TRPM3: variants seen among roughly 807,000 people sequenced by gnomAD.
TRPM3 encodes long transient receptor potential channel 3.
In TRPM3, 77 loss-of-function variants were observed where a neutral mutation model predicts 181.2. The ratio of observed to expected loss-of-function variants is 0.42; its 90% confidence interval spans 0.35 to 0.51. The LOEUF (loss-of-function observed/expected upper bound fraction) is 0.51, where lower values mean the gene tolerates loss of function less well. Ranked by LOEUF, TRPM3 falls within the 20% of genes least tolerant of loss-of-function variation. The pLI, the probability that TRPM3 is intolerant of heterozygous loss-of-function variation, is 0.01. For synonymous variants in TRPM3, 745 were observed against 796.4 expected (o/e 0.94, Z 1.09); for missense variants, 1,759 against 2,196.7 (o/e 0.80, Z 3.98).
At chr9:70,921,288 G>A (rs2096650551) in intron 1 of TRPM3, among the ~76,000 whole-genome samples, 1 of 152,178 alleles carries the variant, frequency 6.6e-6, no homozygotes, top group African/African-American at 2.4e-5. Flanking sequence ...ACTGCCTTTA[G>A]ATTAAAGGGT....
chr9:71,258,091 CATGAAA>C (rs1162238571), intron 1 of TRPM3, among the ~76,000 whole-genome samples: 4 of 152,114 alleles, frequency 2.6e-5, no homozygotes, highest in Non-Finnish European at 4.4e-5. Context: ...AGGCTAAAAT[CATGAAA>C]ATGAAAATAT....
At chr9:70,947,096 G>A (rs906035211) in intron 1 of TRPM3, among the ~76,000 whole-genome samples, 3 of 152,080 alleles carry the variant, frequency 2.0e-5, no homozygotes, top group African/African-American at 4.8e-5. Flanking sequence ...TGAAATTTCT[G>A]GCTCATAATG....
At chr9:71,294,506 A>G (rs779860022) in intron 1 of TRPM3, among the ~76,000 whole-genome samples, 11 of 152,108 alleles carry the variant, frequency 7.2e-5, no homozygotes, top group Non-Finnish European at 1.6e-4. Flanking sequence ...AGCTCCATGA[A>G]TTTTTATGTA....
At chr9:71,039,315 C>T (rs1323180378) in intron 1 of TRPM3, among the ~76,000 whole-genome samples, 1 of 152,134 alleles carries the variant, frequency 6.6e-6, no homozygotes, top group African/African-American at 2.4e-5. Context: ...GAAGGCTACA[C>T]AGAACACATG....
chr9:71,132,735 G>A (rs772367682), intron 1 of TRPM3, among the ~76,000 whole-genome samples: 2 of 151,966 alleles, frequency 1.3e-5, no homozygotes, highest in East Asian at 3.9e-4. Context: ...AATAACTGTT[G>A]ATGTAATTTT....
chr9:70,899,113 C>T (rs1205548157), intron 1 of TRPM3, among the ~76,000 whole-genome samples: 3 of 152,086 alleles, frequency 2.0e-5, no homozygotes, highest in Admixed American at 6.5e-5. Flanking sequence ...GACATGAAAG[C>T]CTGGGAGATA....
chr9:71,405,147 A>G (rs2093413541), intron 1 of TRPM3, among the ~76,000 whole-genome samples: 1 of 152,198 alleles, frequency 6.6e-6, no homozygotes, highest in Non-Finnish European at 1.5e-5. Flanking sequence ...ATCAGTAAAT[A>G]TTTGCCAACT....
intron 1 of TRPM3, among the ~76,000 whole-genome samples, chr9:71,421,843 T>C (rs2093780201): frequency 6.6e-6 from 1 of 151,978 alleles, no homozygotes; most frequent in Non-Finnish European, 1.5e-5. Flanking sequence ...AATTACACCA[T>C]TAAAATCTTA....
intron 1 of TRPM3, among the ~76,000 whole-genome samples, chr9:70,921,918 T>C (rs921828814): frequency 1.1e-3 from 154 of 140,210 alleles, no homozygotes; most frequent in African/African-American, 4.0e-3. Flanking sequence ...GCAGCCACTA[T>C]ACACACACAC....
rs75023117 is a variant in TRPM3, at chr9:71,395,804, A to G, written c.183+50849T>C. Among the ~76,000 whole-genome samples the G allele has an allele frequency of 3.5e-4, 53 of 152,308 alleles. No homozygotes were observed. The East Asian group carries it at 9.8e-3, about 28-fold the overall frequency. On this transcript the variant is annotated intron_variant, in intron 1 of 24. Coordinates refer to the TRPM3 transcript ENST00000357533. ...AGAAAATGCCTTTTAATACCCTTTA[A>G]TCAGTGAGGTGAGAAAGTTTTAGTG... is the stretch of plus-strand genomic sequence containing the variant.
intron 5 of TRPM3, among the ~76,000 whole-genome samples, chr9:70,836,821 G>A (rs28394660): frequency 0.22 from 33,028 of 152,106 alleles, 4,431 homozygotes; most frequent in Non-Finnish European, 0.29. Context: ...AAATCTAAGC[G>A]TGTAGCCAGA....
chr9:70,779,035 T>G lies in TRPM3; in HGVS notation c.1148+5070A>C, dbSNP rs545603751. Among the ~76,000 whole-genome samples, 194 of 152,278 alleles carry G rather than the reference T, an allele frequency of 1.3e-3. 4 individuals carry two copies. In the South Asian group the frequency reaches 0.04, roughly 31 times the overall value. On this transcript the variant is annotated intron_variant, in intron 7 of 25. Coordinates refer to ENST00000677713, the MANE Select transcript of TRPM3 (RefSeq NM_001366145.2). ...GCCATACAACATTTTTTTTTTCATC[T>G]GCAGTTAGCATTCATTTATGCCTTT...
At chr9:70,561,694 A>T (rs747537836) in intron 22 of TRPM3, among the ~76,000 whole-genome samples, 6 of 152,212 alleles carry the variant, frequency 3.9e-5, no homozygotes. Flanking sequence ...TATGGCGCAA[A>T]GGCAGCCACT....
At chr9:71,263,495 C>G (rs1403580441) in intron 1 of TRPM3, among the ~76,000 whole-genome samples, 1 of 152,172 alleles carries the variant, frequency 6.6e-6, no homozygotes, top group African/African-American at 2.4e-5. Flanking sequence ...AGCAGTAGCT[C>G]TCAGGGCACT....
At chr9:71,320,765 C>G (rs2089146502) in intron 1 of TRPM3, among the ~76,000 whole-genome samples, 1 of 152,120 alleles carries the variant, frequency 6.6e-6, no homozygotes. Flanking sequence ...CTAGAGGTAC[C>G]TATCCACTAA....
chr9:71,021,788 A>G (rs1224910850), intron 1 of TRPM3, among the ~76,000 whole-genome samples: 1 of 152,204 alleles, frequency 6.6e-6, no homozygotes, highest in African/African-American at 2.4e-5. Flanking sequence ...CAAACTGGAA[A>G]TCACAGTTTA....
At chr9:70,539,602 T>C (rs2042741318) in intron 25 of TRPM3, among the ~76,000 whole-genome samples, 1 of 152,132 alleles carries the variant, frequency 6.6e-6, no homozygotes, top group African/African-American at 2.4e-5. Flanking sequence ...ATTCTGTATC[T>C]GGCAAACTCA....
intron 1 of TRPM3, among the ~76,000 whole-genome samples, chr9:70,865,052 G>T (rs565669214): frequency 4.0e-5 from 6 of 150,676 alleles, no homozygotes; most frequent in South Asian, 2.1e-4. Context: ...GGGTTGGGGG[G>T]GGGGAGGAAA....
intron 1 of TRPM3, among the ~76,000 whole-genome samples, chr9:71,400,102 G>A (rs979802764): frequency 6.6e-5 from 10 of 151,966 alleles, no homozygotes; most frequent in East Asian, 1.9e-4. Flanking sequence ...AATGCCTCTC[G>A]GTTATCATTA....
Sources: gnomAD v4.1 joint callset for allele counts (sites outside exome capture counted in the v4.1 genomes callset) on GRCh38, gnomAD v4.1.1 for gene constraint, MANE v1.5 for transcripts, NCBI Gene and HGNC (gene_info 2026-07-23, HGNC 2026-07-21) for gene names.